PON2: variants seen among roughly 807,000 people sequenced by gnomAD.
PON2 encodes the protein serum paraoxonase/arylesterase 2.
Under a neutral mutation model 36.6 loss-of-function variants are expected in PON2, and 27 were observed. That is an observed-to-expected ratio of 0.74 (90% confidence interval 0.54 to 1.02). The LOEUF is 1.02. Ranked by LOEUF, PON2 falls within the 50% of genes least tolerant of loss-of-function variation. The probability of loss-of-function intolerance (pLI) is 0.00; values close to 1 mark genes in which losing one functional copy is unlikely to be tolerated. For synonymous variants in PON2, 149 were observed against 156.3 expected (o/e 0.95, Z 0.35); for missense variants, 363 against 421.1 (o/e 0.86, Z 1.21).
At chr7:95,431,050 T>C (rs1789430131) in intron 1 of PON2, among the ~76,000 whole-genome samples, 1 of 152,114 alleles carries the variant, frequency 6.6e-6, no homozygotes, top group African/African-American at 2.4e-5. Flanking sequence ...AGGTCTCTGA[T>C]GCACTCAAGC....
rs575274915 is a variant in PON2, at chr7:95,434,832, C to A, written c.74+46G>T. ...CCCTCCCCGCACCACGCGGCCACCC[C>A]GAGCCTGGGGACCGCCGAGGAGGGG... On this transcript the variant is annotated intron_variant, in intron 1 of 8. Transcript: ENST00000222572. 8.4e-5 allele frequency: 128 copies of A among 1,527,994 alleles called. 1 individual carries two copies. Among genetic ancestry groups the A allele is most frequent in the Admixed American group, 1.8e-4 (9 of 50,078 alleles). 94.7% of individuals were successfully genotyped at this position (1,527,994 alleles called of 1,614,324 possible).
At chr7:95,412,734 G>A (rs983061147) in intron 3 of PON2, 7 of 491,882 alleles carry the variant, frequency 1.4e-5, no homozygotes, top group African/African-American at 7.8e-5. Context: ...TGGACTAGGT[G>A]ATTCCAGGGA....
chr7:95,405,555 G>A, intron 8 of PON2, 67 bp from the exon 9 acceptor site: 1 of 1,479,608 alleles, frequency 6.8e-7, no homozygotes, highest in Non-Finnish European at 9.4e-7. Context: ...TCATCAATAA[G>A]CCCTGTTTTC....
At chr7:95,416,135 A>C in intron 3 of PON2, 107 bp downstream of exon 3, 1 of 1,561,340 alleles carries the variant, frequency 6.4e-7, no homozygotes. Context: ...TTTTCTTCAG[A>C]ATGCATTTTG....
intron 7 of PON2, 90 bp from the exon 8 acceptor site, chr7:95,406,337 G>A (rs1809694057): frequency 7.2e-7 from 1 of 1,384,600 alleles, no homozygotes; most frequent in African/African-American, 1.4e-5. Context: ...ATGCATGTGA[G>A]GAAATTACAC....
At position 95,434,919 on chromosome 7, in the gene PON2, C is replaced by A. The variant is rs1298937671; in HGVS notation, c.33G>T (p.Gly11=). MGRLVAVGLL[G]IALALLGERL... Reference sequence around the variant, plus strand: ...TCTCGCCCAGGAGCGCCAGCGCGATCCCCAGCAAGCCCACAGCCACCAGCC... The same window carrying A: ...TCTCGCCCAGGAGCGCCAGCGCGATACCCAGCAAGCCCACAGCCACCAGCC... The change falls in exon 1 of 9, where the codon GGG becomes GGT. Residue 11 remains glycine, a synonymous_variant. Coordinates refer to ENST00000222572, the MANE Select transcript of PON2 (RefSeq NM_000305.3). The A allele has an allele frequency of 6.5e-7, 1 of 1,538,204 alleles. No homozygotes were observed. The highest frequency in any genetic ancestry group is 2.5e-5 in the East Asian group (1 of 40,272).
chr7:95,429,648 C>T (rs1261944537), intron 1 of PON2, among the ~76,000 whole-genome samples: 1 of 152,186 alleles, frequency 6.6e-6, no homozygotes, highest in African/African-American at 2.4e-5. Flanking sequence ...TGCCAATATG[C>T]CCCTAAGCAA....
Position 95,411,652 on chromosome 7 carries a change from C to T in PON2, c.494+1G>A, listed in dbSNP as rs1329335196. ...AGAGAAGGAACAAAATGAGGAAGTA[C>T]CTTGGAAGAAGCTCATGTTTGACTG... is the stretch of plus-strand genomic sequence containing the variant. On this transcript the variant is annotated splice_donor_variant, in intron 5 of 8. Transcript: ENST00000222572. LOFTEE classifies it high-confidence loss of function. 3 of 1,613,716 alleles carry T rather than the reference C, an allele frequency of 1.9e-6. No individual in the cohort carries two copies. Among genetic ancestry groups the T allele is most frequent in the Admixed American group, 3.3e-5 (2 of 59,986 alleles).
At position 95,424,503 on chromosome 7, in the gene PON2, T is replaced by C. The variant is rs1442262533; in HGVS notation, c.145+12A>G. 6 of 1,607,182 alleles carry C rather than the reference T, an allele frequency of 3.7e-6. No homozygotes were observed. Among genetic ancestry groups the C allele is most frequent in the Non-Finnish European group, 5.1e-6 (6 of 1,173,876 alleles). Reference sequence around the variant, plus strand: ...AATGCAATGTGCCCAACAAGCATTTTCATATACATACCAATTCCTTTAATC... The same window carrying C: ...AATGCAATGTGCCCAACAAGCATTTCCATATACATACCAATTCCTTTAATC... On this transcript the variant is annotated intron_variant, in intron 2 of 8. Coordinates refer to ENST00000222572, the MANE Select transcript of PON2 (RefSeq NM_000305.3).
chr7:95,413,992 C>T (rs769080358), intron 3 of PON2, among the ~76,000 whole-genome samples: 2 of 152,168 alleles, frequency 1.3e-5, no homozygotes, highest in Non-Finnish European at 2.9e-5. Context: ...GATAACTAGT[C>T]ATGGTTATGT....
Position 95,405,482 on chromosome 7 carries a change from G to C in PON2, c.913C>G (p.Arg305Gly). The C allele has an allele frequency of 6.2e-7, 1 of 1,612,246 alleles. No homozygotes were observed. Among genetic ancestry groups the C allele is most frequent in the Non-Finnish European group, 8.5e-7 (1 of 1,178,490 alleles). The change falls in exon 9 of 9, where the codon CGC becomes GGC. Residue 305 changes from arginine (R) to glycine (G), a missense_variant. Transcript: ENST00000222572. The part of the protein sequence containing the change: ...PNNPPSSEVL[R>G]IQNILSEKPT... ...TTCTCAGATAGAATGTTCTGGATGC[G>C]GAGAACCTATTCAGGGGATACAAAG...
chr7:95,409,076 G>A (rs1809789599), intron 6 of PON2, among the ~76,000 whole-genome samples: 1 of 152,120 alleles, frequency 6.6e-6, no homozygotes, highest in Admixed American at 6.6e-5. Context: ...ACTTCGGGAG[G>A]CTGAGGTGGG....
chr7:95,419,321 G>T (rs1045179712), intron 2 of PON2, among the ~76,000 whole-genome samples: 2 of 152,206 alleles, frequency 1.3e-5, no homozygotes, highest in South Asian at 4.2e-4. Context: ...AGTTGGGGGG[G>T]ATCTGGGGAG....
chr7:95,416,880 A>C (rs1003329723), intron 2 of PON2, among the ~76,000 whole-genome samples: 3 of 152,194 alleles, frequency 2.0e-5, no homozygotes, highest in Non-Finnish European at 2.9e-5. Flanking sequence ...TTAATGAAAA[A>C]TACCATGCAC....
chr7:95,430,385 C>G (rs868592788), intron 1 of PON2, among the ~76,000 whole-genome samples: 1 of 151,802 alleles, frequency 6.6e-6, no homozygotes, highest in Admixed American at 6.6e-5. Context: ...ACTGCAACCT[C>G]CGCCTCCCGG....
intron 1 of PON2, among the ~76,000 whole-genome samples, chr7:95,425,106 T>TTTTTTTAA (rs1789286089): frequency 6.6e-6 from 1 of 152,214 alleles, no homozygotes; most frequent in Non-Finnish European, 1.5e-5. Flanking sequence ...GTAGCATCCC[T>TTTTTTTAA]ATGACAGTAT....
At chr7:95,421,157 C>T (rs1277256651) in intron 2 of PON2, among the ~76,000 whole-genome samples, 1 of 152,214 alleles carries the variant, frequency 6.6e-6, no homozygotes, top group African/African-American at 2.4e-5. Flanking sequence ...TTCCAGACAG[C>T]AGCTCACACA....
rs1210918932 is a variant in PON2 at position 95,412,986 on chromosome 7, C to T, written c.202-509G>A. Reference sequence around the variant, plus strand: ...TGCCAATATAACACTTTTTAAATTACTACAGCTTTAGGTCAGGCCTGGTGG... The same window carrying T: ...TGCCAATATAACACTTTTTAAATTATTACAGCTTTAGGTCAGGCCTGGTGG... On this transcript the variant is annotated intron_variant, in intron 3 of 8. Coordinates refer to ENST00000222572, the MANE Select transcript of PON2 (RefSeq NM_000305.3). 1.7e-5 allele frequency: 3 copies of T among 172,026 alleles called. No individual in the cohort carries two copies. In the East Asian group the frequency reaches 4.7e-4, roughly 27 times the overall value. 10.7% of individuals were successfully genotyped at this position (172,026 alleles called of 1,614,324 possible).
intron 1 of PON2, among the ~76,000 whole-genome samples, chr7:95,424,840 CAAAT>C (rs1211906964): frequency 2.0e-5 from 3 of 150,946 alleles, no homozygotes; most frequent in Admixed American, 2.0e-4. Flanking sequence ...AATAACTCAA[CAAAT>C]AAAACTTATA....
Sources: allele counts gnomAD v4.1 joint callset (sites outside exome capture counted in the v4.1 genomes callset), GRCh38; gene constraint gnomAD v4.1.1; transcripts MANE v1.5; gene names NCBI Gene and HGNC (gene_info 2026-07-23, HGNC 2026-07-21).